The following RTCA variants were observed in gnomAD, a reference collection of about 807,000 sequenced individuals.
The protein encoded by RTCA is RNA terminal phosphate cyclase domain 1.
In RTCA, 37 loss-of-function variants were observed where a neutral mutation model predicts 46.1. The observed-to-expected ratio is 0.80, with a 90% CI of 0.62 to 1.06. The LOEUF is 1.06. Ranked by LOEUF, RTCA falls within the 50% of genes least tolerant of loss-of-function variation. The pLI is 0.00. For synonymous variants in RTCA, 164 were observed against 158.3 expected, an observed-to-expected ratio of 1.04 and a Z score of -0.27; for missense variants, 435 against 455.5, an observed-to-expected ratio of 0.95 and a Z score of 0.41.
chr1:100,272,428 A>T (rs947046977), intron 4 of RTCA, among the ~76,000 whole-genome samples: 8 of 152,194 alleles, frequency 5.3e-5, no homozygotes, highest in Admixed American at 5.2e-4. Flanking sequence ...TCTCTAAAAT[A>T]AAAATAAATA....
chr1:100,272,389 T>G (rs747434270), intron 4 of RTCA, among the ~76,000 whole-genome samples: 1 of 152,058 alleles, frequency 6.6e-6, no homozygotes, highest in Non-Finnish European at 1.5e-5. Flanking sequence ...TAAGCTGGAG[T>G]CTAGCCTGGG....
At chr1:100,278,805 CTG>C (rs1017225875) in intron 8 of RTCA, among the ~76,000 whole-genome samples, 22 of 152,282 alleles carry the variant, frequency 1.4e-4, no homozygotes, top group African/African-American at 4.8e-4. Flanking sequence ...CTGTCTAAAA[CTG>C]TGCTATTCAA....
intron 8 of RTCA, 79 bp from the exon 9 acceptor site, chr1:100,285,149 A>G (rs1666947238): frequency 3.4e-6 from 4 of 1,182,484 alleles, no homozygotes; most frequent in Non-Finnish European, 5.0e-6. Flanking sequence ...TAATTGGGAT[A>G]TACCAAACTT....
intron 8 of RTCA, chr1:100,281,289 C>T (rs1260591098): frequency 1.9e-6 from 1 of 534,104 alleles, no homozygotes; most frequent in East Asian, 5.4e-5. Context: ...CTGAGAAAAT[C>T]TCGCTGTTTT....
At chr1:100,273,336 A>C in intron 4 of RTCA, 58 bp from the exon 5 acceptor site, 1 of 1,142,622 alleles carries the variant, frequency 8.8e-7, no homozygotes, top group Non-Finnish European at 1.3e-6. Flanking sequence ...TAATAAATAC[A>C]CTTGTTAAAT....
intron 4 of RTCA, among the ~76,000 whole-genome samples, chr1:100,271,215 A>G (rs541153396): frequency 1.3e-5 from 2 of 152,012 alleles, no homozygotes; most frequent in Non-Finnish European, 2.9e-5. Flanking sequence ...AGGCTGAGGT[A>G]GGCAGATCAC....
At chr1:100,274,721 G>C in intron 5 of RTCA, 103 bp from the exon 6 acceptor site, 1 of 1,249,048 alleles carries the variant, frequency 8.0e-7, no homozygotes, top group Non-Finnish European at 1.1e-6. Context: ...CCTTTCCATG[G>C]ATTACATGTT....
At chr1:100,279,739 C>G (rs1011727642) in intron 8 of RTCA, among the ~76,000 whole-genome samples, 1 of 152,038 alleles carries the variant, frequency 6.6e-6, no homozygotes, top group Non-Finnish European at 1.5e-5. Context: ...ATGATTGCAC[C>G]ACTGCATTCC....
chr1:100,266,900 C>T, intron 2 of RTCA: 1 of 461,762 alleles, frequency 2.2e-6, no homozygotes. Context: ...TTTCTCACCT[C>T]ACCGGGCATT....
rs1162277496 is a variant in RTCA, at chr1:100,275,580, T to C, written c.616-19T>C. 1 of 1,580,030 alleles carries C rather than the reference T, an allele frequency of 6.3e-7. No homozygotes were observed. Among genetic ancestry groups the C allele is most frequent in the Non-Finnish European group, 8.6e-7 (1 of 1,165,194 alleles). On this transcript the variant is annotated intron_variant, in intron 6 of 10. Transcript: ENST00000370128. ...AATCAGTAATTGTTTTATTCTATTT[T>C]TCTGTCTTGCTAAAATAGGTAGCAA... is the stretch of plus-strand genomic sequence containing the variant.
chr1:100,282,827 A>T (rs902031037), intron 8 of RTCA, among the ~76,000 whole-genome samples: 1 of 152,198 alleles, frequency 6.6e-6, no homozygotes, highest in African/African-American at 2.4e-5. Flanking sequence ...ATTTATTGAG[A>T]TGGGAGTCTT....
chr1:100,266,500 C>T (rs1665782996), intron 1 of RTCA, 24 bp from the exon 2 acceptor site: 7 of 1,610,438 alleles, frequency 4.3e-6, no homozygotes, highest in South Asian at 1.1e-5. Flanking sequence ...TACTTCTCTT[C>T]TCCCTGTACC....
intron 8 of RTCA, among the ~76,000 whole-genome samples, chr1:100,283,149 T>A (rs1430668297): frequency 6.9e-6 from 1 of 144,460 alleles, no homozygotes; most frequent in East Asian, 2.1e-4. Flanking sequence ...ATTATGTATA[T>A]CCAAATATTC....
Position 100,268,141 on chromosome 1 carries a change from A to G in RTCA, c.147-11A>G, listed in dbSNP as rs1027888851. 5.0e-6 allele frequency: 8 copies of G among 1,613,934 alleles called. No individual in the cohort carries two copies. The highest frequency in any genetic ancestry group is 1.7e-5 in the Admixed American group (1 of 60,004). Reference sequence around the variant, plus strand: ...AATGCACACGTTTTGATGCAGTATTATGACCTGAAGGCCTCAACATTTATC... The same window carrying G: ...AATGCACACGTTTTGATGCAGTATTGTGACCTGAAGGCCTCAACATTTATC... On this transcript the variant is annotated splice_polypyrimidine_tract_variant and intron_variant, in intron 2 of 10. Coordinates refer to ENST00000370128, the MANE Select transcript of RTCA (RefSeq NM_003729.4).
chr1:100,279,334 C>T (rs1666563506), intron 8 of RTCA, among the ~76,000 whole-genome samples: 1 of 152,162 alleles, frequency 6.6e-6, no homozygotes, highest in South Asian at 2.1e-4. Flanking sequence ...CATAGGAATA[C>T]AGGGGAAGCA....
chr1:100,273,803 A>G (rs970105143), intron 5 of RTCA, among the ~76,000 whole-genome samples: 3 of 152,216 alleles, frequency 2.0e-5, no homozygotes, highest in African/African-American at 2.4e-5. Flanking sequence ...CTCTTCCACA[A>G]TGTGATCAGA....
chr1:100,268,843 T>G (rs903488816), intron 3 of RTCA, among the ~76,000 whole-genome samples: 1 of 152,122 alleles, frequency 6.6e-6, no homozygotes, highest in South Asian at 2.1e-4. Context: ...AAACTACTTA[T>G]GAATATGATT....
Position 100,277,242 on chromosome 1 carries a change from T to A in RTCA, c.741-16T>A, listed in dbSNP as rs773612007. The A allele has an allele frequency of 6.2e-7, 1 of 1,611,190 alleles. No individual in the cohort carries two copies. Among genetic ancestry groups the A allele is most frequent in the African/African-American group, 1.3e-5 (1 of 74,944 alleles). On this transcript the variant is annotated splice_polypyrimidine_tract_variant and intron_variant, in intron 7 of 10. Coordinates refer to ENST00000370128, the MANE Select transcript of RTCA (RefSeq NM_003729.4). ...CATTTATAGCAAAGGTAGTAATAAC[T>A]TTTTTTCTTGCATAGAATTATTGCT...
intron 5 of RTCA, among the ~76,000 whole-genome samples, chr1:100,274,153 A>C (rs1325054860): frequency 6.6e-6 from 1 of 152,122 alleles, no homozygotes; most frequent in African/African-American, 2.4e-5. Context: ...CTCAATCAGA[A>C]TTCATATTTG....
Sources: allele counts gnomAD v4.1 joint callset (sites outside exome capture counted in the v4.1 genomes callset), GRCh38; gene constraint gnomAD v4.1.1; transcripts MANE v1.5; gene names NCBI Gene and HGNC (gene_info 2026-07-23, HGNC 2026-07-21).